Variants in FAT3 observed in about 807,000 individuals in gnomAD.
FAT3 encodes FAT atypical cadherin 3.
A neutral mutation model predicts 310.2 loss-of-function variants in FAT3; 95 were observed. The ratio of observed to expected loss-of-function variants is 0.31; its 90% CI spans 0.26 to 0.36. The LOEUF is 0.36. FAT3 is among the 10% of genes least tolerant of loss of function. The pLI is 1.00. For synonymous variants in FAT3, 2,314 were observed against 2,192.9 expected (o/e 1.06, Z -1.54); for missense variants, 5,408 against 5,715.6 (o/e 0.95, Z 1.74).
intron 1 of FAT3, among the ~76,000 whole-genome samples, chr11:92,326,524 G>A (rs545075433): frequency 2.3e-4 from 35 of 152,332 alleles, no homozygotes; most frequent in African/African-American, 6.5e-4. Flanking sequence ...CTACCTGTCC[G>A]AAAGCCCAGC....
At chr11:92,846,193 C>T (rs1178507383) in intron 19 of FAT3, among the ~76,000 whole-genome samples, 1 of 152,088 alleles carries the variant, frequency 6.6e-6, no homozygotes, top group Non-Finnish European at 1.5e-5. Context: ...AAAACGGGTT[C>T]AGGACAGGAC....
intron 1 of FAT3, among the ~76,000 whole-genome samples, chr11:92,263,136 G>A (rs1454568911): frequency 6.6e-6 from 1 of 151,950 alleles, no homozygotes; most frequent in African/African-American, 2.4e-5. Flanking sequence ...GCTCAGTGCT[G>A]GAGAGTTGAC....
At chr11:92,609,190 ACTC>A (rs1940447767) in intron 3 of FAT3, among the ~76,000 whole-genome samples, 1 of 152,198 alleles carries the variant, frequency 6.6e-6, no homozygotes, top group Admixed American at 6.5e-5. Flanking sequence ...AGTTGTCAGA[ACTC>A]TAGTGAACTT....
At chr11:92,488,308 G>A (rs1473159072) in intron 2 of FAT3, among the ~76,000 whole-genome samples, 1 of 152,080 alleles carries the variant, frequency 6.6e-6, no homozygotes, top group African/African-American at 2.4e-5. Flanking sequence ...TTTGATTGCA[G>A]CCCTATAGAA....
intron 1 of FAT3, among the ~76,000 whole-genome samples, chr11:92,237,648 G>A (rs969163898): frequency 5.9e-5 from 9 of 152,186 alleles, no homozygotes; most frequent in Middle Eastern, 3.4e-3. Context: ...CAGAAGACCT[G>A]TCATCTGTGA....
intron 3 of FAT3, among the ~76,000 whole-genome samples, chr11:92,633,374 A>G (rs182594733): frequency 2.6e-5 from 4 of 152,236 alleles, no homozygotes; most frequent in Admixed American, 2.6e-4. Flanking sequence ...CCAGGCCAGC[A>G]TCAGCCAAAT....
At chr11:92,397,632 A>G (rs1949904186) in intron 2 of FAT3, among the ~76,000 whole-genome samples, 1 of 152,096 alleles carries the variant, frequency 6.6e-6, no homozygotes, top group Non-Finnish European at 1.5e-5. Flanking sequence ...GCATCACCAG[A>G]TCACCAGCTA....
chr11:92,382,489 AC>A lies in FAT3; in HGVS notation c.3292+27086del, dbSNP rs1190120784. The stretch of plus-strand genomic sequence containing the variant: ...CTCTAACAAAACCTTTCCTTTCCTG[AC>A]GGGAGATCATTATGAGATCCTGCCT... On this transcript the variant is annotated intron_variant, in intron 2 of 27. Transcript: ENST00000525166. Among the ~76,000 whole-genome samples, 7 of 152,240 alleles carry A rather than the reference AC, an allele frequency of 4.6e-5. No individual in the cohort carries two copies. The East Asian group carries it at 1.4e-3, about 29-fold the overall frequency.
Position 92,754,627 on chromosome 11 carries a change from C to CAAAAAAAAAAAAAA in FAT3, c.3670-7224_3670-7211dup, listed in dbSNP as rs71064722. ...TGGGCGACAGAGGAAGACTCTGCCT[C>CAAAAAAAAAAAAAA]AAAAAAAAAAAAAAAAAAGGAGATA... On this transcript the variant is annotated intron_variant, in intron 4 of 27. Coordinates refer to ENST00000525166, the MANE Select transcript of FAT3 (RefSeq NM_001367949.2). Among the ~76,000 whole-genome samples, 156 of 32,650 alleles carry CAAAAAAAAAAAAAA rather than the reference C, an allele frequency of 4.8e-3. 18 individuals are homozygous for CAAAAAAAAAAAAAA. Among genetic ancestry groups the CAAAAAAAAAAAAAA allele is most frequent in the African/African-American group, 0.02 (87 of 4,324 alleles). 21.4% of individuals were successfully genotyped at this position (32,650 alleles called of 152,430 possible).
At chr11:92,388,680 A>G (rs1057263562) in intron 2 of FAT3, among the ~76,000 whole-genome samples, 6 of 152,174 alleles carry the variant, frequency 3.9e-5, no homozygotes, top group Admixed American at 1.3e-4. Context: ...AAGCTTATTC[A>G]TTTCCTGGGG....
At chr11:92,592,023 A>G (rs567548553) in intron 3 of FAT3, among the ~76,000 whole-genome samples, 5 of 152,268 alleles carry the variant, frequency 3.3e-5, no homozygotes, top group Admixed American at 3.3e-4. Context: ...TAAACCATGG[A>G]CTTTAGTTAA....
chr11:92,720,925 T>C (rs892658350), intron 4 of FAT3, among the ~76,000 whole-genome samples: 6 of 152,256 alleles, frequency 3.9e-5, no homozygotes, highest in African/African-American at 1.2e-4. Flanking sequence ...CCAAATGTTA[T>C]AGCATTCATT....
At chr11:92,377,213 G>A (rs956210695) in intron 2 of FAT3, among the ~76,000 whole-genome samples, 9 of 152,202 alleles carry the variant, frequency 5.9e-5, no homozygotes, top group Admixed American at 2.6e-4. Context: ...TATAATGGAC[G>A]TATAATGGCT....
chr11:92,771,210 A>G (rs1315937171), intron 6 of FAT3, among the ~76,000 whole-genome samples: 1 of 152,094 alleles, frequency 6.6e-6, no homozygotes, highest in African/African-American at 2.4e-5. Flanking sequence ...CTGGCTTTGC[A>G]TGTTCTGTTA....
intron 2 of FAT3, among the ~76,000 whole-genome samples, chr11:92,439,970 G>A (rs1214822975): frequency 6.6e-6 from 1 of 152,002 alleles, no homozygotes; most frequent in East Asian, 1.9e-4. Flanking sequence ...AAGCTGGCAG[G>A]TATCAAAGTG....
At chr11:92,873,643 T>C (rs1405686414) in intron 22 of FAT3, among the ~76,000 whole-genome samples, 3 of 152,236 alleles carry the variant, frequency 2.0e-5, no homozygotes, top group Admixed American at 6.5e-5. Flanking sequence ...TTTCCATTTT[T>C]GCATTTAATA....
intron 1 of FAT3, among the ~76,000 whole-genome samples, chr11:92,271,953 T>C (rs545710520): frequency 5.9e-5 from 9 of 152,264 alleles, no homozygotes; most frequent in African/African-American, 2.2e-4. Context: ...TTCCCTTCAC[T>C]TCTTTCTTAG....
intron 1 of FAT3, among the ~76,000 whole-genome samples, chr11:92,344,055 T>G (rs1055295179): frequency 6.6e-6 from 1 of 152,160 alleles, no homozygotes. Flanking sequence ...GGATCCCAAA[T>G]TACATAGCAT....
rs768923643 is a variant in FAT3 at position 92,352,842 on chromosome 11, A to G, written c.730A>G (p.Asn244Asp). The G allele has an allele frequency of 6.2e-7, 1 of 1,613,978 alleles. No homozygotes were observed. Among genetic ancestry groups the G allele is most frequent in the Admixed American group, 1.7e-5 (1 of 60,006 alleles). Residue 244 changes from asparagine (N) to aspartate (D), a missense_variant, in exon 2 of 28, where the codon AAT (asparagine) becomes GAT (aspartate). Coordinates refer to ENST00000525166, the MANE Select transcript of FAT3 (RefSeq NM_001367949.2). Reference sequence around the variant, plus strand: ...CCGGGGAATGAAACTGTATGGGAACAATGGAGTGAGCAGTACTGCAAAGCT... The same window carrying G: ...CCGGGGAATGAAACTGTATGGGAACGATGGAGTGAGCAGTACTGCAAAGCT... ...VDRGMKLYGN[N>D]GVSSTAKLYV...
Sources: gnomAD v4.1 joint callset for allele counts (sites outside exome capture counted in the v4.1 genomes callset) on GRCh38, gnomAD v4.1.1 for gene constraint, MANE v1.5 for transcripts, NCBI Gene and HGNC (gene_info 2026-07-23, HGNC 2026-07-21) for gene names.